Variants in MYO16 observed in about 807,000 individuals in gnomAD.
MYO16 encodes myosin XVI.
A neutral mutation model predicts 205.3 loss-of-function variants in MYO16; 94 were observed. That is an observed-to-expected ratio of 0.46 (90% CI 0.39 to 0.54). MYO16 has a LOEUF of 0.54. MYO16 is among the 20% of genes least tolerant of loss of function. The pLI, the probability that MYO16 is intolerant of heterozygous loss-of-function variation, is 0.00. For missense variants in MYO16, 2,315 were observed against 2,387.5 expected (o/e 0.97, Z 0.63); for synonymous variants, 988 against 954.0 (o/e 1.04, Z -0.66).
the MYO16 span, among the ~76,000 whole-genome samples, chr13:108,543,336 A>T: frequency 6.6e-6 from 1 of 152,194 alleles, no homozygotes; most frequent in Non-Finnish European, 1.5e-5. Context: ...ATGAAACAAG[A>T]TTTTATTTTG....
At chr13:109,108,190 A>G (rs1223617071) in intron 28 of MYO16, among the ~76,000 whole-genome samples, 2 of 152,034 alleles carry the variant, frequency 1.3e-5, no homozygotes, top group East Asian at 3.9e-4. Context: ...ACATGTGTGC[A>G]CATGTGTGTG....
chr13:108,858,806 G>C (rs937132558), intron 11 of MYO16, among the ~76,000 whole-genome samples: 3 of 152,204 alleles, frequency 2.0e-5, no homozygotes, highest in East Asian at 1.9e-4. Context: ...CTGAGGAAAG[G>C]CTCATAAAGC....
chr13:108,583,485 A>G, the MYO16 span, among the ~76,000 whole-genome samples: 3 of 152,212 alleles, frequency 2.0e-5, no homozygotes, highest in East Asian at 5.8e-4. Flanking sequence ...GCTAAACCTC[A>G]TATTTCAATA....
the MYO16 span, among the ~76,000 whole-genome samples, chr13:108,581,790 C>G: frequency 6.7e-6 from 1 of 149,294 alleles, no homozygotes; most frequent in African/African-American, 2.5e-5. Flanking sequence ...GAGACTGAGG[C>G]AGGAGAATCA....
In MYO16 at chr13:108,884,392, A is replaced by G. The variant is rs74119690; in HGVS notation, c.1553+1206A>G. Among the ~76,000 whole-genome samples the G allele has an allele frequency of 4.1e-3, 628 of 152,346 alleles. 3 individuals are homozygous for G. Among genetic ancestry groups the G allele is most frequent in the African/African-American group, 0.014 (596 of 41,572 alleles). On this transcript the variant is annotated intron_variant, in intron 13 of 34. Transcript: ENST00000457511. Reference sequence around the variant, plus strand: ...CCAAGGATGAGGAAGGTGCTGAGGCAGGGGCTTCGACACATTCTAAACTCT... The same window carrying G: ...CCAAGGATGAGGAAGGTGCTGAGGCGGGGGCTTCGACACATTCTAAACTCT...
At chr13:109,177,606 C>T (rs1879263506) in intron 33 of MYO16, among the ~76,000 whole-genome samples, 1 of 152,168 alleles carries the variant, frequency 6.6e-6, no homozygotes. Flanking sequence ...GCAACTCTCC[C>T]TCCCAGGTTC....
At chr13:108,919,696 T>A (rs992125563) in intron 16 of MYO16, among the ~76,000 whole-genome samples, 3 of 152,244 alleles carry the variant, frequency 2.0e-5, no homozygotes, top group African/African-American at 7.2e-5. Context: ...CAGTTAAATG[T>A]CACAAACATT....
At chr13:108,523,634 A>C in the MYO16 span, among the ~76,000 whole-genome samples, 1 of 152,166 alleles carries the variant, frequency 6.6e-6, no homozygotes, top group African/African-American at 2.4e-5. Flanking sequence ...TTCTCATGTC[A>C]GCATTCAGTA....
chr13:108,838,366 A>C (rs75627092), intron 9 of MYO16, among the ~76,000 whole-genome samples: 2,110 of 152,222 alleles, frequency 0.014, 42 homozygotes, highest in African/African-American at 0.048. Context: ...TAAAAAAAAT[A>C]GGGAAAGGCC....
rs145969618 is a variant in MYO16 at position 109,052,348 on chromosome 13, A to G, written c.2921A>G (p.Gln974Arg). ...CATTTGTTCCAGTCGAAATTGTCACAAACAGGATCCCTCGTATCTGCCTAT... is the reference window on the plus strand; with the variant it reads ...CATTTGTTCCAGTCGAAATTGTCACGAACAGGATCCCTCGTATCTGCCTAT... ...INHLFQSKLS[Q>R]TGSLVSAYPS... is the part of the protein sequence containing the mutation. Residue 974 changes from glutamine to arginine, a missense_variant, in exon 25 of 35, where the codon CAA becomes CGA. Gln to Arg is a conservative substitution (Grantham distance 43, BLOSUM62 1). Coordinates refer to ENST00000457511, the MANE Select transcript of MYO16 (RefSeq NM_001198950.3). 27 of 1,613,360 alleles carry G rather than the reference A, an allele frequency of 1.7e-5. No homozygotes were observed. The highest frequency in any genetic ancestry group is 1.6e-4 in the Middle Eastern group (1 of 6,082).
rs148265994 is a variant in MYO16, at chr13:109,002,778, T to C, written c.2443-6119T>C. On this transcript the variant is annotated intron_variant, in intron 21 of 34. Transcript: ENST00000457511. ...AAATCTTCACTCTATCTTTCTCTGATTGTGTTGAACACACGCCCACATATG... is the reference window on the plus strand; with the variant it reads ...AAATCTTCACTCTATCTTTCTCTGACTGTGTTGAACACACGCCCACATATG... Among the ~76,000 whole-genome samples, 52 of 152,344 alleles carry C rather than the reference T, an allele frequency of 3.4e-4. 1 individual carries two copies. The East Asian group carries it at 6.4e-3, about 19-fold the overall frequency.
chr13:108,764,803 A>G (rs907044471), intron 4 of MYO16, among the ~76,000 whole-genome samples: 12 of 152,188 alleles, frequency 7.9e-5, no homozygotes, highest in Non-Finnish European at 1.6e-4. Context: ...ATGTCACTCA[A>G]GCTGGCTCCC....
chr13:108,636,360 T>TG (rs1566519152), intron 1 of MYO16, among the ~76,000 whole-genome samples: 389 of 84,102 alleles, frequency 4.6e-3, no homozygotes, highest in South Asian at 7.1e-3. Context: ...TTTTTTTTTT[T>TG]TTTTTTTTTT....
intron 23 of MYO16, among the ~76,000 whole-genome samples, chr13:109,041,865 T>C (rs1241641779): frequency 6.7e-6 from 1 of 149,084 alleles, no homozygotes; most frequent in Non-Finnish European, 1.5e-5. Context: ...AATTGCCTTT[T>C]TTTTTTTTTT....
chr13:108,837,227 C>T (rs952699457), intron 9 of MYO16, among the ~76,000 whole-genome samples: 4 of 152,138 alleles, frequency 2.6e-5, no homozygotes, highest in African/African-American at 9.7e-5. Flanking sequence ...CCCCTGTTGG[C>T]ACTTGTTCTT....
At chr13:108,537,754 T>C in the MYO16 span, among the ~76,000 whole-genome samples, 1 of 152,166 alleles carries the variant, frequency 6.6e-6, no homozygotes, top group Non-Finnish European at 1.5e-5. Context: ...ATTTCTTTGA[T>C]GATTAGTGAT....
the MYO16 span, among the ~76,000 whole-genome samples, chr13:108,585,103 G>T: frequency 6.6e-6 from 1 of 152,076 alleles, no homozygotes; most frequent in Non-Finnish European, 1.5e-5. Flanking sequence ...TTTTGTTGAC[G>T]AAAGAGTCAA....
intron 11 of MYO16, among the ~76,000 whole-genome samples, chr13:108,859,064 C>G (rs1878331494): frequency 6.6e-6 from 1 of 152,088 alleles, no homozygotes; most frequent in Non-Finnish European, 1.5e-5. Flanking sequence ...AATGCACTTC[C>G]TATCCTTCTG....
At chr13:109,176,600 A>AAAAAAAAAAAAAAAAAAAAAAAAC (rs1879198424) in intron 33 of MYO16, among the ~76,000 whole-genome samples, 1 of 148,264 alleles carries the variant, frequency 6.7e-6, no homozygotes, top group South Asian at 2.1e-4. Context: ...AAAAAAAAAA[A>AAAAAAAAAAAAAAAAAAAAAAAAC]AGACCTCCTT....
Sources: gnomAD v4.1 joint callset for allele counts (sites outside exome capture counted in the v4.1 genomes callset) on GRCh38, gnomAD v4.1.1 for gene constraint, MANE v1.5 for transcripts, NCBI Gene and HGNC (gene_info 2026-07-23, HGNC 2026-07-21) for gene names.